Variants in CCDC85A observed in about 807,000 individuals in gnomAD.
CCDC85A encodes the protein coiled-coil domain-containing protein 85A.
A neutral mutation model predicts 50.2 loss-of-function variants in CCDC85A; 38 were observed. The ratio of observed to expected loss-of-function variants is 0.76; its 90% CI spans 0.58 to 0.99. CCDC85A has a LOEUF of 0.99. Ranked by LOEUF, CCDC85A falls within the 50% of genes least tolerant of loss-of-function variation. The pLI, the probability that CCDC85A is intolerant of heterozygous loss-of-function variation, is 0.00. For synonymous variants in CCDC85A, 366 were observed against 301.4 expected, an observed-to-expected ratio of 1.21 and a Z score of -2.22; for missense variants, 820 against 742.0, an observed-to-expected ratio of 1.11 and a Z score of -1.22.
chr2:56,347,885 G>A (rs10200604), intron 3 of CCDC85A, among the ~76,000 whole-genome samples: 43,813 of 151,968 alleles, frequency 0.29, 8,036 homozygotes, highest in African/African-American at 0.52. Flanking sequence ...AGACATAGTC[G>A]ATATGTTTAT....
intron 2 of CCDC85A, among the ~76,000 whole-genome samples, chr2:56,205,265 T>A (rs923795916): frequency 6.6e-6 from 1 of 152,142 alleles, no homozygotes; most frequent in Non-Finnish European, 1.5e-5. Flanking sequence ...GCTCTTCGTA[T>A]GTTTTAGTTA....
At chr2:56,318,664 T>G (rs1558638548) in intron 2 of CCDC85A, among the ~76,000 whole-genome samples, 1 of 152,114 alleles carries the variant, frequency 6.6e-6, no homozygotes, top group Non-Finnish European at 1.5e-5. Context: ...TAGAGTGTAA[T>G]TAGTCAGTTT....
At chr2:56,320,446 G>A (rs1056269502) in intron 2 of CCDC85A, among the ~76,000 whole-genome samples, 16 of 152,030 alleles carry the variant, frequency 1.1e-4, no homozygotes, top group Non-Finnish European at 1.6e-4. Context: ...AATAAAAAAT[G>A]ATAAAGGGGA....
At chr2:56,195,854 A>G (rs1676500198) in intron 2 of CCDC85A, among the ~76,000 whole-genome samples, 1 of 152,200 alleles carries the variant, frequency 6.6e-6, no homozygotes, top group African/African-American at 2.4e-5. Flanking sequence ...GTGAAAACAA[A>G]TGGGAAGTGT....
intron 2 of CCDC85A, among the ~76,000 whole-genome samples, chr2:56,263,608 T>C (rs916782146): frequency 1.3e-5 from 2 of 152,192 alleles, no homozygotes; most frequent in Admixed American, 6.6e-5. Flanking sequence ...GTGTGTGTTC[T>C]TGAGAGTCTG....
chr2:56,183,901 G>C (rs1675868025), upstream of CCDC85A: 5 of 985,398 alleles, frequency 5.1e-6, no homozygotes, highest in South Asian at 2.3e-4. Context: ...TCGAGTGGCA[G>C]CTGCGTCCAG....
chr2:56,298,123 T>A (rs1295939693), intron 2 of CCDC85A, among the ~76,000 whole-genome samples: 2 of 152,222 alleles, frequency 1.3e-5, no homozygotes, highest in African/African-American at 4.8e-5. Context: ...GATTCCATTT[T>A]AGTGTATGCA....
chr2:56,275,154 G>C (rs1339553017), intron 2 of CCDC85A, among the ~76,000 whole-genome samples: 1 of 152,130 alleles, frequency 6.6e-6, no homozygotes, highest in Non-Finnish European at 1.5e-5. Flanking sequence ...TCAGTTCACA[G>C]AAACCTGCTT....
intron 2 of CCDC85A, among the ~76,000 whole-genome samples, chr2:56,275,807 T>G (rs867452369): frequency 6.6e-6 from 1 of 152,210 alleles, no homozygotes; most frequent in East Asian, 1.9e-4. Context: ...TGTTCTGTTA[T>G]TTTTACCCAT....
At chr2:56,311,844 C>G (rs933806713) in intron 2 of CCDC85A, among the ~76,000 whole-genome samples, 3 of 152,072 alleles carry the variant, frequency 2.0e-5, no homozygotes, top group African/African-American at 7.2e-5. Context: ...TATTTCTGCT[C>G]CTCAAAGGGT....
intron 2 of CCDC85A, among the ~76,000 whole-genome samples, chr2:56,239,600 G>C (rs976887560): frequency 5.3e-4 from 80 of 152,284 alleles, no homozygotes; most frequent in African/African-American, 1.8e-3. Context: ...TTCATTTTAT[G>C]ATGATGATTC....
chr2:56,193,252 T>G lies in CCDC85A; in HGVS notation c.1052T>G (p.Leu351Arg). 6.2e-7 allele frequency: 1 copy of G among 1,603,058 alleles called. No individual in the cohort carries two copies. The highest frequency in any genetic ancestry group is 1.1e-5 in the South Asian group (1 of 90,536). Reference sequence around the variant, plus strand: ...GCTCTTGGGGGGAGCCTAGAGCATCTCCCCAGAGCCAGGGGCACCAGCCCG... The same window carrying G: ...GCTCTTGGGGGGAGCCTAGAGCATCGCCCCAGAGCCAGGGGCACCAGCCCG... ...KHALGGSLEH[L>R]PRARGTSPEH... Residue 351 changes from leucine to arginine, a missense_variant, in exon 2 of 6, where the codon CTC becomes CGC. Physicochemically the swap from Leu to Arg is moderately radical, Grantham distance 102. Coordinates refer to ENST00000407595, the MANE Select transcript of CCDC85A (RefSeq NM_001080433.2).
chr2:56,315,469 G>T (rs1311423781), intron 2 of CCDC85A, among the ~76,000 whole-genome samples: 1 of 152,114 alleles, frequency 6.6e-6, no homozygotes, highest in Non-Finnish European at 1.5e-5. Context: ...TACTTATGCA[G>T]TTTTTACCAT....
chr2:56,367,873 GT>G (rs921178124), intron 3 of CCDC85A, among the ~76,000 whole-genome samples: 2 of 152,114 alleles, frequency 1.3e-5, no homozygotes, highest in African/African-American at 4.8e-5. Context: ...TTCCATGTAA[GT>G]TTCCAAGCCC....
In CCDC85A at chr2:56,323,538, G is replaced by GC. The variant is rs370456181; in HGVS notation, c.1241-19335dup. ...CTGTGGGTTTGAGAAAGTTCCAAATGCCCCCCTTGTTGATGCTCCTTCCTG... is the reference window on the plus strand; with the variant it reads ...CTGTGGGTTTGAGAAAGTTCCAAATGCCCCCCCTTGTTGATGCTCCTTCCTG... On this transcript the variant is annotated intron_variant, in intron 2 of 5. Coordinates refer to ENST00000407595, the MANE Select transcript of CCDC85A (RefSeq NM_001080433.2). Among the ~76,000 whole-genome samples, 153 of 152,082 alleles carry GC rather than the reference G, an allele frequency of 1.0e-3. 1 individual carries two copies. Among genetic ancestry groups the GC allele is most frequent in the African/African-American group, 3.4e-3 (141 of 41,514 alleles).
At chr2:56,237,127 ACT>A (rs1438993558) in intron 2 of CCDC85A, among the ~76,000 whole-genome samples, 1 of 152,084 alleles carries the variant, frequency 6.6e-6, no homozygotes, top group Non-Finnish European at 1.5e-5. Flanking sequence ...CTGAGGATAG[ACT>A]CAGAATCTGA....
At chr2:56,240,189 C>G (rs1573081139) in intron 2 of CCDC85A, among the ~76,000 whole-genome samples, 1 of 152,232 alleles carries the variant, frequency 6.6e-6, no homozygotes, top group Admixed American at 6.5e-5. Context: ...TCCTTCAGTT[C>G]CCAGCAACCC....
At chr2:56,222,579 A>G (rs1310371617) in intron 2 of CCDC85A, among the ~76,000 whole-genome samples, 1 of 152,118 alleles carries the variant, frequency 6.6e-6, no homozygotes, top group Non-Finnish European at 1.5e-5. Context: ...CAGGCCCTCC[A>G]GCTATTAGGG....
chr2:56,283,480 T>A (rs1315216825), intron 2 of CCDC85A, among the ~76,000 whole-genome samples: 4 of 152,220 alleles, frequency 2.6e-5, no homozygotes, highest in Non-Finnish European at 5.9e-5. Context: ...GTTTCTTTTC[T>A]AACATTTGCT....
Sources: allele counts gnomAD v4.1 joint callset (sites outside exome capture counted in the v4.1 genomes callset), GRCh38; gene constraint gnomAD v4.1.1; transcripts MANE v1.5; gene names NCBI Gene and HGNC (gene_info 2026-07-23, HGNC 2026-07-21).